SNTB1: variants seen among roughly 807,000 people sequenced by gnomAD.
SNTB1 encodes the protein beta-1-syntrophin.
Under a neutral mutation model 48.9 loss-of-function variants are expected in SNTB1, and 36 were observed. The observed-to-expected ratio is 0.74, with a 90% CI of 0.56 to 0.97. The LOEUF (loss-of-function observed/expected upper bound fraction) is 0.97, where lower values mean the gene tolerates loss of function less well. Ranked by LOEUF, SNTB1 falls within the 50% of genes least tolerant of loss-of-function variation. SNTB1 has a pLI of 0.00. For missense variants in SNTB1, 786 were observed against 703.4 expected (o/e 1.12, Z -1.33); for synonymous variants, 299 against 294.6 (o/e 1.01, Z -0.15).
At position 120,538,367 on chromosome 8, in the gene SNTB1, A is replaced by T. The variant is rs1055120108; in HGVS notation, c.*510T>A. 3 of 224,758 alleles carry T rather than the reference A, an allele frequency of 1.3e-5. No individual in the cohort carries two copies. The highest frequency in any genetic ancestry group is 2.8e-5 in the Non-Finnish European group (3 of 107,214). The allele number at this position is 224,758 out of a possible 1,614,324, so 13.9% of individuals were successfully genotyped here. ...AATAAAAGGTGGGTTTCTATTTGAA[A>T]TATTTTTCTTTTCCTACAAGGGAAA... is the stretch of plus-strand genomic sequence containing the variant. On this transcript the variant is annotated 3_prime_UTR_variant, in exon 7 of 7. Coordinates refer to ENST00000517992, the MANE Select transcript of SNTB1 (RefSeq NM_021021.4).
intron 1 of SNTB1, among the ~76,000 whole-genome samples, chr8:120,781,240 A>T (rs1819826457): frequency 6.6e-6 from 1 of 152,232 alleles, no homozygotes; most frequent in African/African-American, 2.4e-5. Flanking sequence ...TAGGGTGGTA[A>T]CCACTAAAAG....
intron 3 of SNTB1, among the ~76,000 whole-genome samples, chr8:120,594,791 T>C (rs1028231491): frequency 6.6e-6 from 1 of 152,106 alleles, no homozygotes; most frequent in Non-Finnish European, 1.5e-5. Flanking sequence ...CTATAGCTCA[T>C]GTGCAAAAGT....
At chr8:120,544,319 A>T (rs1815341913) in intron 5 of SNTB1, among the ~76,000 whole-genome samples, 1 of 152,188 alleles carries the variant, frequency 6.6e-6, no homozygotes, top group African/African-American at 2.4e-5. Context: ...GGTATTTGTG[A>T]TCCCATTCTA....
intron 1 of SNTB1, among the ~76,000 whole-genome samples, chr8:120,765,434 A>G (rs769166785): frequency 5.9e-5 from 9 of 152,134 alleles, no homozygotes. Flanking sequence ...GTCTGAGTCC[A>G]TTTTGTGCTT....
chr8:120,803,824 T>C (rs1326446063), intron 1 of SNTB1, among the ~76,000 whole-genome samples: 1 of 152,178 alleles, frequency 6.6e-6, no homozygotes, highest in African/African-American at 2.4e-5. Flanking sequence ...GCAGACAGTT[T>C]TCATCTCCTC....
Position 120,635,984 on chromosome 8 carries a change from G to C in SNTB1, c.789-3333C>G, listed in dbSNP as rs1212506008. ...TATGCCCTCTCCTTTACTTGCTCCA[G>C]AATCCCATTCAATAGAACCAGAAGA... On this transcript the variant is annotated intron_variant, in intron 2 of 6. Coordinates refer to ENST00000517992, the MANE Select transcript of SNTB1 (RefSeq NM_021021.4). 3.9e-6 allele frequency: 3 copies of C among 774,686 alleles called. No homozygotes were observed. The East Asian group carries it at 1.3e-4, about 32-fold the overall frequency. The allele number at this position is 774,686 out of a possible 1,614,324, so 48.0% of individuals were successfully genotyped here. A position where few individuals can be genotyped will look rare whatever the true frequency, so the allele number is the denominator to read the frequency against.
chr8:120,626,109 G>T (rs559790803), intron 3 of SNTB1, among the ~76,000 whole-genome samples: 25 of 152,092 alleles, frequency 1.6e-4, no homozygotes, highest in Admixed American at 6.5e-4. Flanking sequence ...CACTTGGTTG[G>T]TTCTAGTTAC....
At chr8:120,549,999 C>T (rs1815451609) in intron 4 of SNTB1, among the ~76,000 whole-genome samples, 1 of 152,032 alleles carries the variant, frequency 6.6e-6, no homozygotes, top group Non-Finnish European at 1.5e-5. Context: ...GCTTGTTACC[C>T]CTAGATAAAA....
chr8:120,552,469 T>C (rs919300239), intron 4 of SNTB1, among the ~76,000 whole-genome samples: 4 of 152,234 alleles, frequency 2.6e-5, no homozygotes, highest in Non-Finnish European at 5.9e-5. Flanking sequence ...AGCGATTCTC[T>C]GTCTCAGCCT....
Position 120,555,847 on chromosome 8 carries a change from C to T in SNTB1, c.1137-6889G>A, listed in dbSNP as rs141128390. Among the ~76,000 whole-genome samples, 370 of 152,268 alleles carry T rather than the reference C, an allele frequency of 2.4e-3. 1 individual carries two copies. Among genetic ancestry groups the T allele is most frequent in the Middle Eastern group, 6.8e-3 (2 of 294 alleles). On this transcript the variant is annotated intron_variant, in intron 4 of 6. Coordinates refer to ENST00000517992, the MANE Select transcript of SNTB1 (RefSeq NM_021021.4). Reference sequence around the variant, plus strand: ...GAAGAGAAGCCAAAAATCTCTCCCCCTCCCGTGCACTCACAGAGGAAAGAC... The same window carrying T: ...GAAGAGAAGCCAAAAATCTCTCCCCTTCCCGTGCACTCACAGAGGAAAGAC...
At chr8:120,567,503 C>T (rs1192817523) in intron 4 of SNTB1, among the ~76,000 whole-genome samples, 9 of 151,624 alleles carry the variant, frequency 5.9e-5, no homozygotes, top group Admixed American at 5.9e-4. Flanking sequence ...TCATTGCAAC[C>T]TTGATCTCCT....
At chr8:120,640,160 C>T (rs1190174993) in intron 2 of SNTB1, among the ~76,000 whole-genome samples, 1 of 151,742 alleles carries the variant, frequency 6.6e-6, no homozygotes, top group Admixed American at 6.6e-5. Flanking sequence ...GGAGTTCACT[C>T]ATGATTTGGC....
At chr8:120,626,522 CTAATT>C (rs1296496792) in intron 3 of SNTB1, among the ~76,000 whole-genome samples, 1 of 152,036 alleles carries the variant, frequency 6.6e-6, no homozygotes, top group African/African-American at 2.4e-5. Flanking sequence ...TTAGTAATCT[CTAATT>C]TAAAACATTA....
chr8:120,786,387 C>T (rs759920562), intron 1 of SNTB1, among the ~76,000 whole-genome samples: 10 of 152,162 alleles, frequency 6.6e-5, no homozygotes, highest in African/African-American at 9.7e-5. Context: ...AAGAGTCTGG[C>T]GCTCTAGCCC....
At chr8:120,759,744 C>T (rs1287394673) in intron 1 of SNTB1, among the ~76,000 whole-genome samples, 1 of 152,172 alleles carries the variant, frequency 6.6e-6, no homozygotes, top group Admixed American at 6.5e-5. Context: ...GCCTTTCATT[C>T]TGAACCACTC....
intron 1 of SNTB1, among the ~76,000 whole-genome samples, chr8:120,760,443 C>A (rs953252985): frequency 6.6e-6 from 1 of 152,062 alleles, no homozygotes; most frequent in Non-Finnish European, 1.5e-5. Flanking sequence ...TCACTGGAGC[C>A]AACATTGGGT....
chr8:120,611,039 A>G (rs1253343351), intron 3 of SNTB1, among the ~76,000 whole-genome samples: 2 of 152,194 alleles, frequency 1.3e-5, no homozygotes, highest in Admixed American at 6.5e-5. Context: ...CTGCTGACAC[A>G]GAGGTGGTGG....
intron 1 of SNTB1, among the ~76,000 whole-genome samples, chr8:120,728,704 T>C (rs1818801401): frequency 6.6e-6 from 1 of 152,234 alleles, no homozygotes; most frequent in South Asian, 2.1e-4. Context: ...TATTCCATGA[T>C]GTATATGTAC....
intron 1 of SNTB1, among the ~76,000 whole-genome samples, chr8:120,746,892 T>C (rs1819133706): frequency 6.6e-6 from 1 of 152,142 alleles, no homozygotes; most frequent in South Asian, 2.1e-4. Flanking sequence ...AATTAATTTA[T>C]CCTAAGGAAA....
Sources: allele counts gnomAD v4.1 joint callset (sites outside exome capture counted in the v4.1 genomes callset), GRCh38; gene constraint gnomAD v4.1.1; transcripts MANE v1.5; gene names NCBI Gene and HGNC (gene_info 2026-07-23, HGNC 2026-07-21).